Variants in ALPK3 observed in about 807,000 individuals in gnomAD.
ALPK3 encodes the protein alpha kinase 3, also known as alpha-protein kinase 3.
In ALPK3, 102 loss-of-function variants were observed where a neutral mutation model predicts 140.0. That is an observed-to-expected ratio of 0.73 (90% CI 0.62 to 0.86). The LOEUF (loss-of-function observed/expected upper bound fraction) is 0.86. Among genes scored for constraint, ALPK3 ranks in the 40% least tolerant of loss-of-function variants. The probability of loss-of-function intolerance (pLI) is 0.00; values close to 1 mark genes in which losing one functional copy is unlikely to be tolerated. For missense variants in ALPK3, 2,254 were observed against 2,208.2 expected, an observed-to-expected ratio of 1.02 and a Z score of -0.42; for synonymous variants, 938 against 898.5, an observed-to-expected ratio of 1.04 and a Z score of -0.79.
In ALPK3 at chr15:84,857,520, A is replaced by T. The variant is rs1596155512; in HGVS notation, c.2782A>T (p.Met928Leu). 6.3e-7 allele frequency: 1 copy of T among 1,596,522 alleles called. No homozygotes were observed. The highest frequency in any genetic ancestry group is 2.2e-5 in the East Asian group (1 of 44,680). Residue 928 changes from methionine (M) to leucine (L), a missense_variant, in exon 6 of 14, where the codon ATG becomes TTG. Around this residue, in one of 3 missense-constraint regions of ALPK3, gnomAD observed 2,088 missense variants for 2,022.9 expected, o/e 1.03. Transcript: ENST00000258888. ...TPTQSHPPET[M>L]ATSSEGACAQ... ...CACTCAGAGTCACCCACCAGAAACC[A>T]TGGCCACCAGCAGTGAGGGGGCCTG... is the stretch of plus-strand genomic sequence containing the variant.
intron 5 of ALPK3, among the ~76,000 whole-genome samples, chr15:84,855,887 C>T (rs547022340): frequency 5.3e-5 from 8 of 152,282 alleles, no homozygotes; most frequent in Admixed American, 5.2e-4. Flanking sequence ...TGGATGGCAT[C>T]CATTATTATC....
chr15:84,862,813 C>A lies in ALPK3; in HGVS notation c.4308C>A (p.Phe1436Leu). Residue 1436 changes from phenylalanine to leucine, a missense_variant, in exon 10 of 14, where the codon TTC (phenylalanine) becomes TTA (leucine). Around this residue, in one of 3 missense-constraint regions of ALPK3, gnomAD observed 2,088 missense variants for 2,022.9 expected, o/e 1.03. Coordinates refer to ENST00000258888, the MANE Select transcript of ALPK3 (RefSeq NM_020778.5). ...TCATCTACGGGCTGGAACCCATCTT[C>A]GAGTCGGGCCGCACGTGCATCATCA... ...AKVIYGLEPI[F>L]ESGRTCIIKV... 1 of 1,614,098 alleles carries A rather than the reference C, an allele frequency of 6.2e-7. No homozygotes were observed. The highest frequency in any genetic ancestry group is 8.5e-7 in the Non-Finnish European group (1 of 1,180,012).
At chr15:84,818,905 G>A (rs1297931259) in intron 1 of ALPK3, among the ~76,000 whole-genome samples, 2 of 152,216 alleles carry the variant, frequency 1.3e-5, no homozygotes, top group Non-Finnish European at 2.9e-5. Context: ...CCTTAGAGAA[G>A]CTGACTCCCT....
chr15:84,826,869 C>T (rs1963494036), intron 2 of ALPK3, among the ~76,000 whole-genome samples: 1 of 152,174 alleles, frequency 6.6e-6, no homozygotes, highest in South Asian at 2.1e-4. Flanking sequence ...TGGGTCTCTC[C>T]TTTCTGATAC....
chr15:84,835,708 T>A (rs560134989), intron 3 of ALPK3, among the ~76,000 whole-genome samples: 12 of 152,214 alleles, frequency 7.9e-5, no homozygotes, highest in Non-Finnish European at 1.5e-4. Flanking sequence ...TCAGAGGGAC[T>A]GAACCCATCT....
rs1963655531 is a variant in ALPK3 at position 84,840,845 on chromosome 15, G to T, written c.1566G>T (p.Val522=). 1 of 1,614,212 alleles carries T rather than the reference G, an allele frequency of 6.2e-7. No homozygotes were observed. Among genetic ancestry groups the T allele is most frequent in the Admixed American group, 1.7e-5 (1 of 60,018 alleles). ...SLGKAPPQAS[V]QVPTPPARRR... ...GAAAGGCCCCACCTCAGGCCTCTGT[G>T]CAGGTGCCGACGCCCCCTGCCCGGC... The change falls in exon 5 of 14, where the codon GTG becomes GTT. Residue 522 remains valine (V), a synonymous_variant. Transcript: ENST00000258888.
Position 84,817,499 on chromosome 15 carries a change from G to C in ALPK3, c.47G>C (p.Arg16Pro), listed in dbSNP as rs1254872638. 2 of 1,452,208 alleles carry C rather than the reference G, an allele frequency of 1.4e-6. No individual in the cohort carries two copies. Among genetic ancestry groups the C allele is most frequent in the Non-Finnish European group, 9.0e-7 (1 of 1,109,382 alleles). 90.0% of individuals were successfully genotyped at this position (1,452,208 alleles called of 1,614,324 possible). The change falls in exon 1 of 14, where the codon CGG becomes CCG. Residue 16 changes from arginine to proline, a missense_variant. By Grantham distance (103) the Arg-to-Pro change is moderately radical. Coordinates refer to ENST00000258888, the MANE Select transcript of ALPK3 (RefSeq NM_020778.5). ...APSRGWGAGG[R>P]SGAGGDGEDD... ...AGCCGGGGCTGGGGCGCGGGTGGGC[G>C]GTCGGGGGCGGGGGGCGACGGTGAG... is the stretch of plus-strand genomic sequence containing the variant.
chr15:84,859,159 C>T, intron 6 of ALPK3, 84 bp from the exon 7 acceptor site: 12 of 1,568,164 alleles, frequency 7.7e-6, no homozygotes, highest in Non-Finnish European at 1.0e-5. Context: ...TTCTCCCAGC[C>T]TTTTCCACCA....
intron 2 of ALPK3, among the ~76,000 whole-genome samples, chr15:84,824,906 C>T (rs944010007): frequency 4.6e-5 from 7 of 152,024 alleles, no homozygotes; most frequent in South Asian, 4.2e-4. Context: ...GTTTGGAGGA[C>T]GGGGACAGAA....
chr15:84,827,063 A>G (rs1963495656), intron 2 of ALPK3, among the ~76,000 whole-genome samples: 1 of 152,134 alleles, frequency 6.6e-6, no homozygotes, highest in Admixed American at 6.5e-5. Flanking sequence ...CCCTCTTGGC[A>G]TGAATGAAGG....
chr15:84,825,805 G>A (rs1183837312), intron 2 of ALPK3, among the ~76,000 whole-genome samples: 1 of 152,216 alleles, frequency 6.6e-6, no homozygotes, highest in Non-Finnish European at 1.5e-5. Context: ...TATGATAGCA[G>A]CAAGAAACGT....
chr15:84,838,732 G>C (rs1365369973), intron 3 of ALPK3, among the ~76,000 whole-genome samples: 9 of 151,878 alleles, frequency 5.9e-5, no homozygotes, highest in Middle Eastern at 6.8e-3. Flanking sequence ...CGATTCTCCT[G>C]CCTCAGCCTC....
Position 84,868,418 on chromosome 15 carries a change from A to G in ALPK3, c.5080A>G (p.Thr1694Ala). 2.5e-6 allele frequency: 4 copies of G among 1,611,710 alleles called. No individual in the cohort carries two copies. The highest frequency in any genetic ancestry group is 1.3e-5 in the African/African-American group (1 of 75,034). Residue 1694 changes from threonine to alanine, a missense_variant, in exon 14 of 14, where the codon ACC becomes GCC. Thr to Ala is a moderately conservative substitution (Grantham distance 58, BLOSUM62 0). Transcript: ENST00000258888. ...VTTQLLGQPP[T>A]QEEGSKAQGM... ...CACTCAGTTGTTGGGACAGCCTCCC[A>G]CCCAAGAGGAGGGCTCCAAGGCCCA... is the stretch of plus-strand genomic sequence containing the variant.
chr15:84,856,568 G>T lies in ALPK3; in HGVS notation c.1830G>T (p.Val610=). ...ANQRTGSKKN[V]QADGKIQVDG... is the part of the protein sequence containing the mutation. The stretch of plus-strand genomic sequence containing the variant: ...AGAGAACTGGAAGCAAGAAGAATGT[G>T]CAGGCAGATGGGAAGATACAAGTGG... Residue 610 remains valine, a synonymous_variant, in exon 6 of 14, where the codon GTG becomes GTT. Transcript: ENST00000258888. The T allele has an allele frequency of 6.2e-7, 1 of 1,614,170 alleles. No individual in the cohort carries two copies. The highest frequency in any genetic ancestry group is 2.2e-5 in the East Asian group (1 of 44,886).
At chr15:84,852,962 A>T (rs1309252141) in intron 5 of ALPK3, among the ~76,000 whole-genome samples, 1 of 152,208 alleles carries the variant, frequency 6.6e-6, no homozygotes, top group Non-Finnish European at 1.5e-5. Context: ...TTGTTGGCAG[A>T]TCCGATTAGG....
rs1191395887 is a variant in ALPK3, at chr15:84,857,589, A to G, written c.2851A>G (p.Ser951Gly). 6.4e-7 allele frequency: 1 copy of G among 1,573,778 alleles called. No individual in the cohort carries two copies. Among genetic ancestry groups the G allele is most frequent in the Non-Finnish European group, 8.6e-7 (1 of 1,158,342 alleles). ...DVEGRTPGPR[S>G]CDPGLIDSLK... ...GGAGGGGCGGACCCCAGGTCCCCGG[A>G]GCTGTGACCCTGGCCTCATAGATTC... Residue 951 changes from serine (S) to glycine (G), a missense_variant, in exon 6 of 14, where the codon AGC becomes GGC. Around this residue, in one of 3 missense-constraint regions of ALPK3, gnomAD observed 2,088 missense variants for 2,022.9 expected, o/e 1.03. Transcript: ENST00000258888.
In ALPK3 at chr15:84,838,581, G is replaced by A. The variant is rs917273341; in HGVS notation, c.305-399G>A. Among the ~76,000 whole-genome samples the A allele has an allele frequency of 2.0e-5, 3 of 150,540 alleles. No homozygotes were observed. In the South Asian group the frequency reaches 6.3e-4, roughly 32 times the overall value. ...TCTTCAGGTGGTCTGGGAAGCCACG[G>A]CCTCGTGTTCTCTCCTCCCATTATT... On this transcript the variant is annotated intron_variant, in intron 3 of 13. Coordinates refer to ENST00000258888, the MANE Select transcript of ALPK3 (RefSeq NM_020778.5).
At chr15:84,864,253 C>A (rs925755590) in intron 11 of ALPK3, among the ~76,000 whole-genome samples, 189 bp from the exon 12 acceptor site, 3 of 152,126 alleles carry the variant, frequency 2.0e-5, no homozygotes, top group Non-Finnish European at 2.9e-5. Context: ...GACTCTGAAG[C>A]CAAAAATATC....
At position 84,840,323 on chromosome 15, in the gene ALPK3, C is replaced by A; in HGVS notation, c.1044C>A (p.Ser348Arg). ...GTTCTTCAGAAAACTGCATCCCCAGCTCAGACGAGCCTGACTCCTGTGGGA... is the reference window on the plus strand; with the variant it reads ...GTTCTTCAGAAAACTGCATCCCCAGATCAGACGAGCCTGACTCCTGTGGGA... ...SRRSSENCIPSSDEPDSCGTQ... is the reference protein window; with the variant it reads ...SRRSSENCIPRSDEPDSCGTQ... Residue 348 changes from serine (S) to arginine (R), a missense_variant, in exon 5 of 14, where the codon AGC (serine) becomes AGA (arginine). By Grantham distance (110) the Ser-to-Arg change is moderately radical. This residue lies in a region of ALPK3 where 2,088 missense variants were observed against 2,022.9 expected (regional missense o/e 1.03). Transcript: ENST00000258888. The A allele has an allele frequency of 6.2e-7, 1 of 1,614,032 alleles. No individual in the cohort carries two copies. Among genetic ancestry groups the A allele is most frequent in the Non-Finnish European group, 8.5e-7 (1 of 1,180,006 alleles).
Sources: allele counts gnomAD v4.1 joint callset (sites outside exome capture counted in the v4.1 genomes callset), GRCh38; gene constraint gnomAD v4.1.1; regional missense constraint gnomAD v4.1.1; transcripts MANE v1.5; gene names NCBI Gene and HGNC (gene_info 2026-07-23, HGNC 2026-07-21).